FSTL5: variants seen among roughly 807,000 people sequenced by gnomAD.
FSTL5 encodes the protein follistatin like 5, also known as follistatin-related protein 5.
In FSTL5, 62 loss-of-function variants were observed where a neutral mutation model predicts 89.1. The observed-to-expected ratio is 0.70, with a 90% CI of 0.57 to 0.86. The LOEUF (loss-of-function observed/expected upper bound fraction) is 0.86, where lower values mean the gene tolerates loss of function less well. Ranked by LOEUF, FSTL5 falls within the 40% of genes least tolerant of loss-of-function variation. FSTL5 has a pLI of 0.00. For synonymous variants in FSTL5, 383 were observed against 346.2 expected (o/e 1.11, Z -1.18); for missense variants, 1,057 against 1,001.6 (o/e 1.06, Z -0.75).
intron 2 of FSTL5, chr4:162,035,181 T>C (rs1737686976): frequency 1.3e-5 from 2 of 152,146 alleles, no homozygotes; most frequent in African/African-American, 4.8e-5. Flanking sequence ...TTTCACCAAA[T>C]ATGTATGGAT....
intron 1 of FSTL5, among the ~76,000 whole-genome samples, chr4:162,115,552 C>A (rs1731604547): frequency 6.6e-6 from 1 of 152,160 alleles, no homozygotes; most frequent in Non-Finnish European, 1.5e-5. Flanking sequence ...TAAAACAAAC[C>A]AGCTGGAACA....
intron 2 of FSTL5, among the ~76,000 whole-genome samples, chr4:162,109,739 T>G (rs1372726917): frequency 2.0e-5 from 3 of 152,028 alleles, no homozygotes; most frequent in African/African-American, 7.2e-5. Context: ...ATGCATTCAT[T>G]TTTCTGCCGT....
rs139846363 is a variant in FSTL5 at position 162,024,966 on chromosome 4, T to C, written c.160+8659A>G. On this transcript the variant is annotated intron_variant, in intron 3 of 15. Transcript: ENST00000306100. ...GCAACTTGTCCTAAATTTAAATATA[T>C]GTCATTATTATAACGTCAAATTCGT... Among the ~76,000 whole-genome samples the C allele has an allele frequency of 5.7e-3, 871 of 152,236 alleles. 5 individuals are homozygous for C. Among genetic ancestry groups the C allele is most frequent in the African/African-American group, 0.02 (833 of 41,556 alleles).
chr4:161,554,236 GA>G (rs544092507), intron 8 of FSTL5, among the ~76,000 whole-genome samples: 27 of 148,874 alleles, frequency 1.8e-4, no homozygotes, highest in Middle Eastern at 3.4e-3. Context: ...ATGATAGTAG[GA>G]AAAAAAAAGG....
At chr4:161,461,168 A>G (rs1260493460) in intron 13 of FSTL5, among the ~76,000 whole-genome samples, 1 of 151,766 alleles carries the variant, frequency 6.6e-6, no homozygotes, top group Non-Finnish European at 1.5e-5. Context: ...TTAGGTTAAG[A>G]GGAAAAGGCC....
intron 3 of FSTL5, among the ~76,000 whole-genome samples, chr4:162,026,304 C>CTTTTCTTTTT (rs1737281823): frequency 1.3e-5 from 1 of 79,474 alleles, no homozygotes; most frequent in Non-Finnish European, 2.2e-5. Context: ...TATGTATTTT[C>CTTTTCTTTTT]TTTTTTTTTT....
chr4:161,987,646 T>A (rs1308712757), intron 3 of FSTL5, among the ~76,000 whole-genome samples: 2 of 148,020 alleles, frequency 1.4e-5, no homozygotes, highest in African/African-American at 4.9e-5. Context: ...ATATATATAT[T>A]TTATTGAAAT....
chr4:161,893,471 T>C (rs1338518357), intron 4 of FSTL5, among the ~76,000 whole-genome samples: 1 of 152,150 alleles, frequency 6.6e-6, no homozygotes, highest in Non-Finnish European at 1.5e-5. Context: ...AATGTTCTCA[T>C]CAATATAAAC....
At chr4:162,083,504 C>T (rs1730184640) in intron 2 of FSTL5, among the ~76,000 whole-genome samples, 1 of 151,026 alleles carries the variant, frequency 6.6e-6, no homozygotes, top group African/African-American at 2.4e-5. Context: ...AAAGTTTTTG[C>T]AAAATTACAC....
chr4:161,468,508 G>C (rs552086495), intron 13 of FSTL5, among the ~76,000 whole-genome samples: 1 of 152,252 alleles, frequency 6.6e-6, no homozygotes, highest in Non-Finnish European at 1.5e-5. Context: ...CCTCAGGTTA[G>C]TTGAGAATGT....
At chr4:161,461,854 T>C (rs1195584905) in intron 13 of FSTL5, among the ~76,000 whole-genome samples, 1 of 152,118 alleles carries the variant, frequency 6.6e-6, no homozygotes, top group Non-Finnish European at 1.5e-5. Flanking sequence ...CTATTTTGCA[T>C]GCAGCTTTAA....
intron 1 of FSTL5, among the ~76,000 whole-genome samples, chr4:162,120,429 A>G (rs1232025251): frequency 6.6e-6 from 1 of 152,138 alleles, no homozygotes; most frequent in Non-Finnish European, 1.5e-5. Context: ...ACAAAAACAC[A>G]TTTTAAAGCA....
In FSTL5 at chr4:161,993,409, G is replaced by A. The variant is rs1259010617; in HGVS notation, c.160+40216C>T. Among the ~76,000 whole-genome samples, 3 of 152,144 alleles carry A rather than the reference G, an allele frequency of 2.0e-5. No homozygotes were observed. In the East Asian group the frequency reaches 5.8e-4, roughly 29 times the overall value. On this transcript the variant is annotated intron_variant, in intron 3 of 15. Transcript: ENST00000306100. ...TGAAAAATTAGAATATAATAGTTTA[G>A]TGGAAATTCATATCCTTTTGAGAAG...
At chr4:161,459,411 A>G (rs1733481746) in intron 13 of FSTL5, 92 bp from the exon 14 acceptor site, 15 of 716,734 alleles carry the variant, frequency 2.1e-5, no homozygotes, top group Middle Eastern at 3.0e-4. Flanking sequence ...TTTAGATGTC[A>G]GATTAAAAAT....
intron 3 of FSTL5, among the ~76,000 whole-genome samples, chr4:161,965,408 C>T (rs1735294591): frequency 6.6e-6 from 1 of 151,994 alleles, no homozygotes; most frequent in Non-Finnish European, 1.5e-5. Context: ...GAAATTTTTG[C>T]CTGGACTAGA....
rs202036153 is a variant in FSTL5, at chr4:161,772,833, TG to T, written c.606+3044del. 4.7e-3 allele frequency among the ~76,000 whole-genome samples: 717 copies of T among 152,146 alleles called. 16 individuals carry two copies. The highest frequency in any genetic ancestry group is 0.036 in the Admixed American group (555 of 15,260). On this transcript the variant is annotated intron_variant, in intron 5 of 15. Coordinates refer to ENST00000306100, the MANE Select transcript of FSTL5 (RefSeq NM_020116.5). ...ATACCTCCATCATTCTTCACAGAACTGGAAAAAACAATCCAAAAATTCATAT... is the reference window on the plus strand; with the variant it reads ...ATACCTCCATCATTCTTCACAGAACTGAAAAAACAATCCAAAAATTCATAT...
chr4:161,607,401 A>T (rs1734490734), intron 7 of FSTL5, among the ~76,000 whole-genome samples: 1 of 152,172 alleles, frequency 6.6e-6, no homozygotes, highest in African/African-American at 2.4e-5. Flanking sequence ...TAATTGCAAC[A>T]CATGACAGCT....
chr4:162,042,302 T>C (rs1181258083), intron 2 of FSTL5, among the ~76,000 whole-genome samples: 2 of 152,200 alleles, frequency 1.3e-5, no homozygotes, highest in Non-Finnish European at 2.9e-5. Context: ...TGTTGTTTGC[T>C]TGTTTTCACC....
intron 4 of FSTL5, among the ~76,000 whole-genome samples, chr4:161,872,128 G>GTTTTTTTGTTTGT (rs1732282226): frequency 2.0e-4 from 13 of 64,144 alleles, no homozygotes; most frequent in East Asian, 6.5e-4. Flanking sequence ...TTTGTAGTTT[G>GTTTTTTTGTTTGT]TTTTTTTTTT....
Sources: allele counts gnomAD v4.1 joint callset (sites outside exome capture counted in the v4.1 genomes callset), GRCh38; gene constraint gnomAD v4.1.1; transcripts MANE v1.5; gene names NCBI Gene and HGNC (gene_info 2026-07-23, HGNC 2026-07-21).